Variants in EYA1 observed in about 807,000 individuals in gnomAD.
EYA1 encodes EYA transcriptional coactivator and phosphatase 1, also known as protein phosphatase EYA1.
In EYA1, 16 loss-of-function variants were observed where a neutral mutation model predicts 82.0. The ratio of observed to expected loss-of-function variants is 0.20; its 90% CI spans 0.13 to 0.30. The LOEUF (loss-of-function observed/expected upper bound fraction) is 0.30. Among genes scored for constraint, EYA1 ranks in the 10% least tolerant of loss-of-function variants. The pLI is 1.00. For missense variants in EYA1, 633 were observed against 730.7 expected (o/e 0.87, Z 1.54); for synonymous variants, 261 against 264.4 (o/e 0.99, Z 0.12).
chr8:71,521,171 G>T (rs2129270279), intron 2 of EYA1, among the ~76,000 whole-genome samples: 1 of 152,060 alleles, frequency 6.6e-6, no homozygotes, highest in East Asian at 1.9e-4. Flanking sequence ...AGATGGAAAT[G>T]AACAATAGAA....
intron 2 of EYA1, among the ~76,000 whole-genome samples, chr8:71,443,328 G>A (rs1806575943): frequency 6.6e-6 from 1 of 152,174 alleles, no homozygotes. Context: ...GTCTTGCTCT[G>A]TTGCCCAGGC....
intron 2 of EYA1, among the ~76,000 whole-genome samples, chr8:71,402,380 C>G (rs776736872): frequency 6.6e-6 from 1 of 152,088 alleles, no homozygotes; most frequent in Non-Finnish European, 1.5e-5. Context: ...GCAACAAAAA[C>G]AAGATACCTA....
chr8:71,243,888 A>G lies in EYA1; in HGVS notation c.1140+715T>C, dbSNP rs183257576. On this transcript the variant is annotated intron_variant, in intron 12 of 17. Coordinates refer to ENST00000340726, the MANE Select transcript of EYA1 (RefSeq NM_000503.6). The stretch of plus-strand genomic sequence containing the variant: ...ATGATTAATGCCTGTTGGCAGCCCT[A>G]CCACAAGCTTGCTTAACAGCGGAAT... Among the ~76,000 whole-genome samples, 3 of 152,392 alleles carry G rather than the reference A, an allele frequency of 2.0e-5. No homozygotes were observed. The East Asian group carries it at 5.8e-4, about 29-fold the overall frequency.
At chr8:71,547,768 C>CGAGCG in intron 1 of EYA1, 1 of 150,738 alleles carries the variant, frequency 6.6e-6, no homozygotes, top group East Asian at 2.0e-4. Flanking sequence ...GCGGGGCGGC[C>CGAGCG]GAGCGGGGCG....
intron 2 of EYA1, among the ~76,000 whole-genome samples, chr8:71,507,612 T>C (rs968695991): frequency 6.6e-6 from 1 of 152,198 alleles, no homozygotes; most frequent in Non-Finnish European, 1.5e-5. Flanking sequence ...TAGCAAAAGA[T>C]TGGAGAAGCT....
At chr8:71,543,364 C>T (rs1187745608) in intron 1 of EYA1, among the ~76,000 whole-genome samples, 1 of 152,122 alleles carries the variant, frequency 6.6e-6, no homozygotes, top group African/African-American at 2.4e-5. Flanking sequence ...TACTGTATCT[C>T]AAGGGTAGTG....
At chr8:71,387,743 C>T (rs1829045893) in intron 2 of EYA1, among the ~76,000 whole-genome samples, 1 of 151,858 alleles carries the variant, frequency 6.6e-6, no homozygotes, top group South Asian at 2.1e-4. Flanking sequence ...TTTGAGGTAC[C>T]CATGGGATAT....
chr8:71,289,146 GA>G (rs1357653944), intron 9 of EYA1, among the ~76,000 whole-genome samples: 4 of 152,180 alleles, frequency 2.6e-5, no homozygotes, highest in Non-Finnish European at 4.4e-5. Flanking sequence ...GAAGGGGAGG[GA>G]AATGGTAGAG....
chr8:71,462,617 C>T (rs549587792), intron 2 of EYA1, among the ~76,000 whole-genome samples: 2 of 152,208 alleles, frequency 1.3e-5, no homozygotes, highest in Non-Finnish European at 2.9e-5. Flanking sequence ...TCCTGCTTGT[C>T]CCTGGCTCCC....
chr8:71,464,653 A>T (rs1485494637), intron 2 of EYA1, among the ~76,000 whole-genome samples: 1 of 152,234 alleles, frequency 6.6e-6, no homozygotes, highest in Non-Finnish European at 1.5e-5. Context: ...TTGTTTAGGG[A>T]CAATTGCAAT....
intron 2 of EYA1, among the ~76,000 whole-genome samples, chr8:71,440,271 G>A (rs1806318549): frequency 6.6e-6 from 1 of 152,152 alleles, no homozygotes; most frequent in Non-Finnish European, 1.5e-5. Context: ...TAAAGCTATG[G>A]ACAGCCATTG....
At chr8:71,501,662 G>A (rs1811814596) in intron 2 of EYA1, among the ~76,000 whole-genome samples, 1 of 152,150 alleles carries the variant, frequency 6.6e-6, no homozygotes. Flanking sequence ...AGGAGCGTTC[G>A]CCTCTGGGAA....
intron 6 of EYA1, among the ~76,000 whole-genome samples, chr8:71,318,032 T>C (rs998371307): frequency 6.6e-6 from 1 of 152,238 alleles, no homozygotes; most frequent in African/African-American, 2.4e-5. Context: ...AGTAAAGAAA[T>C]AGCCATAATT....
chr8:71,520,373 G>A (rs1210059334), intron 2 of EYA1, among the ~76,000 whole-genome samples: 6 of 152,096 alleles, frequency 3.9e-5, no homozygotes, highest in African/African-American at 1.4e-4. Context: ...AACAAACAGG[G>A]CCCCTCAAGC....
intron 3 of EYA1, among the ~76,000 whole-genome samples, chr8:71,353,244 G>C (rs1826486628): frequency 6.6e-6 from 1 of 152,152 alleles, no homozygotes; most frequent in African/African-American, 2.4e-5. Context: ...GGCAGTCTGG[G>C]TGACTATATC....
rs541810568 is a variant in EYA1, at chr8:71,457,316, G to C, written c.33+78428C>G. On this transcript the variant is annotated intron_variant, in intron 2 of 18. Coordinates refer to the EYA1 transcript ENST00000643681. ...GAACACTTTTACACTGTTGGTGGGA[G>C]GGTAAACTAGTTCAACCATTGTGGA... is the stretch of plus-strand genomic sequence containing the variant. 2.7e-3 allele frequency among the ~76,000 whole-genome samples: 413 copies of C among 152,198 alleles called. 1 individual carries two copies. The highest frequency in any genetic ancestry group is 8.8e-3 in the African/African-American group (364 of 41,518).
chr8:71,318,191 C>G (rs963063658), intron 6 of EYA1, among the ~76,000 whole-genome samples: 20 of 151,980 alleles, frequency 1.3e-4, no homozygotes, highest in African/African-American at 4.6e-4. Flanking sequence ...ATTTCAGTAC[C>G]AACTCATTTT....
chr8:71,271,821 C>CGT lies in EYA1; in HGVS notation c.902_903insAC (p.Lys302ArgfsTer65). ...TTCTTCGGCCCCGTCCACGTGATTT[C>CGT]CCATCTGAACCTCGACGCAATCGAT... On this transcript the variant is annotated frameshift_variant, in exon 10 of 18. Transcript: ENST00000340726. LOFTEE classifies it high-confidence loss of function. The CGT allele has an allele frequency of 6.2e-7, 1 of 1,614,144 alleles. No individual in the cohort carries two copies. The highest frequency in any genetic ancestry group is 8.5e-7 in the Non-Finnish European group (1 of 1,180,018).
At chr8:71,328,535 C>T (rs538663468) in intron 4 of EYA1, among the ~76,000 whole-genome samples, 41 of 152,280 alleles carry the variant, frequency 2.7e-4, no homozygotes, top group Non-Finnish European at 4.3e-4. Context: ...CCAAGGCCCT[C>T]GCTTCTCCTG....
Sources: gnomAD v4.1 joint callset for allele counts (sites outside exome capture counted in the v4.1 genomes callset) on GRCh38, gnomAD v4.1.1 for gene constraint, MANE v1.5 for transcripts, NCBI Gene and HGNC (gene_info 2026-07-23, HGNC 2026-07-21) for gene names.